Variants in ANKRD11 observed in about 807,000 individuals in gnomAD.
ANKRD11 encodes ankyrin repeat domain 11.
Under a neutral mutation model 195.7 loss-of-function variants are expected in ANKRD11, and 17 were observed. The ratio of observed to expected loss-of-function variants is 0.09; its 90% CI spans 0.06 to 0.13. ANKRD11 has a LOEUF of 0.13. Among genes scored for constraint, ANKRD11 ranks in the 10% least tolerant of loss-of-function variants. The pLI is 1.00. For synonymous variants in ANKRD11, 1,953 were observed against 1,528.1 expected, an observed-to-expected ratio of 1.28 and a Z score of -6.49; for missense variants, 3,735 against 3,566.1, an observed-to-expected ratio of 1.05 and a Z score of -1.21.
chr16:89,432,978 C>G (rs1302472223), intron 1 of ANKRD11, among the ~76,000 whole-genome samples: 1 of 144,602 alleles, frequency 6.9e-6, no homozygotes, highest in Non-Finnish European at 1.5e-5. Flanking sequence ...CTCTCTCTCT[C>G]TCTCTCTCTC....
intron 2 of ANKRD11, among the ~76,000 whole-genome samples, chr16:89,351,929 T>G (rs2039237865): frequency 6.6e-6 from 1 of 152,188 alleles, no homozygotes; most frequent in African/African-American, 2.4e-5. Flanking sequence ...ATCTCTTTTT[T>G]GGAGACAGTC....
intron 7 of ANKRD11, chr16:89,288,165 T>C (rs2151781355): frequency 1.7e-6 from 1 of 601,554 alleles, no homozygotes; most frequent in East Asian, 2.7e-5. Flanking sequence ...CGAGGGTGGG[T>C]CTGCCTTGCA....
chr16:89,332,830 G>A (rs1473199302), intron 2 of ANKRD11, among the ~76,000 whole-genome samples: 2 of 152,216 alleles, frequency 1.3e-5, no homozygotes, highest in Non-Finnish European at 2.9e-5. Flanking sequence ...AATTCCCTTA[G>A]AAACGTCCAT....
intron 2 of ANKRD11, among the ~76,000 whole-genome samples, chr16:89,391,595 T>C (rs1567739843): frequency 6.6e-6 from 1 of 152,152 alleles, no homozygotes. Context: ...GAACCCCTAC[T>C]AACTGAGCTT....
At chr16:89,372,820 C>T (rs2040252740) in intron 2 of ANKRD11, 1 of 152,192 alleles carries the variant, frequency 6.6e-6, no homozygotes, top group South Asian at 2.1e-4. Context: ...CACCCTGTGG[C>T]AGGGACTCAC....
chr16:89,463,480 G>A (rs149795354), intron 1 of ANKRD11, among the ~76,000 whole-genome samples: 4 of 152,104 alleles, frequency 2.6e-5, no homozygotes, highest in East Asian at 1.9e-4. Context: ...CAGCATACTC[G>A]TTAAGAGTCA....
chr16:89,420,817 A>C (rs2042481156), intron 1 of ANKRD11, among the ~76,000 whole-genome samples: 1 of 152,228 alleles, frequency 6.6e-6, no homozygotes, highest in African/African-American at 2.4e-5. Context: ...CCTGGGCCCA[A>C]GGGGTCCTCC....
intron 2 of ANKRD11, among the ~76,000 whole-genome samples, chr16:89,359,411 A>G (rs889426709): frequency 2.0e-5 from 3 of 152,170 alleles, no homozygotes; most frequent in African/African-American, 4.8e-5. Flanking sequence ...CCAGCAGAGG[A>G]GCAGGAAGAC....
At chr16:89,362,219 A>C (rs1358296435) in intron 2 of ANKRD11, among the ~76,000 whole-genome samples, 1 of 152,236 alleles carries the variant, frequency 6.6e-6, no homozygotes, top group Non-Finnish European at 1.5e-5. Flanking sequence ...CTTCTGAAAC[A>C]ACCACTGGAC....
Position 89,334,164 on chromosome 16 carries a change from A to AC in ANKRD11, c.-59-17087_-59-17086insG, listed in dbSNP as rs1384668579. 5.0e-4 allele frequency among the ~76,000 whole-genome samples: 72 copies of AC among 144,946 alleles called. 1 individual carries two copies. The highest frequency in any genetic ancestry group is 9.1e-4 in the South Asian group (4 of 4,414). On this transcript the variant is annotated intron_variant, in intron 2 of 12. Transcript: ENST00000301030. The stretch of plus-strand genomic sequence containing the variant: ...TGTTTTAAAAAAAAAAAAAAAAAAA[A>AC]AAAAAAAAACAGAGAGAGAGAGAAA...
intron 1 of ANKRD11, chr16:89,443,430 A>C (rs892637368): frequency 6.6e-6 from 1 of 152,164 alleles, no homozygotes; most frequent in Non-Finnish European, 1.5e-5. Context: ...CTTTAAAAAA[A>C]ACACACACAG....
intron 2 of ANKRD11, chr16:89,340,064 T>C (rs1353371797): frequency 2.6e-5 from 4 of 152,206 alleles, no homozygotes; most frequent in Non-Finnish European, 4.4e-5. Flanking sequence ...TTGACTAACA[T>C]TTGTTTTTTC....
chr16:89,473,149 C>T (rs2057144239), intron 1 of ANKRD11, among the ~76,000 whole-genome samples: 1 of 150,240 alleles, frequency 6.7e-6, no homozygotes, highest in Non-Finnish European at 1.5e-5. Context: ...CACTGCCCTC[C>T]AGCCGAGGCA....
intron 2 of ANKRD11, among the ~76,000 whole-genome samples, chr16:89,319,467 G>C (rs900562501): frequency 6.6e-6 from 1 of 152,226 alleles, no homozygotes; most frequent in Non-Finnish European, 1.5e-5. Context: ...CCAGGTGTAC[G>C]CTGTGTTTTC....
intron 2 of ANKRD11, among the ~76,000 whole-genome samples, chr16:89,346,480 G>T (rs1412360206): frequency 6.6e-6 from 1 of 152,104 alleles, no homozygotes; most frequent in East Asian, 1.9e-4. Context: ...CAAGCTCCCA[G>T]GGAACAACAG....
intron 10 of ANKRD11, 65 bp from the exon 11 acceptor site, chr16:89,275,022 G>A (rs751892768): frequency 3.7e-6 from 6 of 1,612,700 alleles, no homozygotes; most frequent in Non-Finnish European, 5.1e-6. Flanking sequence ...CTGTCAACAC[G>A]ACAGCCCCTG....
intron 12 of ANKRD11, chr16:89,270,102 T>C: frequency 6.3e-6 from 1 of 158,058 alleles, no homozygotes; most frequent in Admixed American, 5.9e-5. Context: ...CCTGAGTTCC[T>C]CAGCACAAGC....
chr16:89,355,174 T>G (rs1191442414), intron 2 of ANKRD11, among the ~76,000 whole-genome samples: 1 of 152,050 alleles, frequency 6.6e-6, no homozygotes, highest in African/African-American at 2.4e-5. Context: ...CATACTCCCA[T>G]CCCAGGCGAA....
At chr16:89,464,843 G>A (rs1488286645) in intron 1 of ANKRD11, among the ~76,000 whole-genome samples, 2 of 152,180 alleles carry the variant, frequency 1.3e-5, no homozygotes, top group Non-Finnish European at 2.9e-5. Flanking sequence ...GACCACTGCA[G>A]AGGAAAAGCA....
Sources: allele counts gnomAD v4.1 joint callset (sites outside exome capture counted in the v4.1 genomes callset), GRCh38; gene constraint gnomAD v4.1.1; transcripts MANE v1.5; gene names NCBI Gene and HGNC (gene_info 2026-07-23, HGNC 2026-07-21).